The following FAT4 variants were observed in gnomAD, a reference collection of about 807,000 sequenced individuals.
FAT4 encodes protocadherin Fat 4.
Under a neutral mutation model 303.9 loss-of-function variants are expected in FAT4, and 84 were observed. The ratio of observed to expected loss-of-function variants is 0.28; its 90% CI spans 0.23 to 0.33. The LOEUF (loss-of-function observed/expected upper bound fraction) is 0.33, where lower values mean the gene tolerates loss of function less well. Among genes scored for constraint, FAT4 ranks in the 10% least tolerant of loss-of-function variants. FAT4 has a pLI of 1.00. For missense variants in FAT4, 6,005 were observed against 6,146.8 expected (o/e 0.98, Z 0.77); for synonymous variants, 2,307 against 2,298.8 (o/e 1.00, Z -0.10).
Position 125,446,356 on chromosome 4 carries a change from C to T in FAT4, c.7263C>T (p.Thr2421=), listed in dbSNP as rs1478792548. The change falls in exon 9 of 18, where the codon ACC becomes ACT. Residue 2421 remains threonine (T), a synonymous_variant. Coordinates refer to ENST00000394329, the MANE Select transcript of FAT4 (RefSeq NM_001291303.3). ...TINPSTGQII[T]SALLDRETKD... The stretch of plus-strand genomic sequence containing the variant: ...ACCCATCGACAGGACAAATCATCAC[C>T]AGCGCATTGTTAGATAGGGAAACAA... 5 of 1,612,928 alleles carry T rather than the reference C, an allele frequency of 3.1e-6. No homozygotes were observed. The Admixed American group carries it at 6.7e-5, about 22-fold the overall frequency.
intron 17 of FAT4, among the ~76,000 whole-genome samples, chr4:125,489,029 G>A (rs1004009709): frequency 6.6e-6 from 1 of 152,162 alleles, no homozygotes; most frequent in African/African-American, 2.4e-5. Flanking sequence ...TGTCACTATG[G>A]TAGAATGATG....
intron 2 of FAT4, among the ~76,000 whole-genome samples, chr4:125,327,040 A>T (rs1476043643): frequency 1.3e-5 from 2 of 152,144 alleles, no homozygotes; most frequent in Admixed American, 6.5e-5. Flanking sequence ...AAAATTCATA[A>T]GTATTTTTAT....
chr4:125,448,450 C>G lies in FAT4; in HGVS notation c.7451-11C>G, dbSNP rs1466996588. On this transcript the variant is annotated splice_polypyrimidine_tract_variant and intron_variant, in intron 9 of 17. Transcript: ENST00000394329. ...CCACGTGAGTATAACTGCACACTTT[C>G]TCTTTTATAGGTTCCTTTGTCTTTG... 8 of 1,578,208 alleles carry G rather than the reference C, an allele frequency of 5.1e-6. No individual in the cohort carries two copies. Among genetic ancestry groups the G allele is most frequent in the Non-Finnish European group, 6.9e-6 (8 of 1,164,344 alleles).
At chr4:125,361,496 G>A (rs552719811) in intron 2 of FAT4, among the ~76,000 whole-genome samples, 112 of 152,208 alleles carry the variant, frequency 7.4e-4, no homozygotes, top group African/African-American at 2.6e-3. Context: ...TGTGCAGGTG[G>A]TAAATACTGA....
intron 7 of FAT4, among the ~76,000 whole-genome samples, chr4:125,426,746 A>G (rs1250343926): frequency 6.6e-6 from 1 of 152,024 alleles, no homozygotes; most frequent in Non-Finnish European, 1.5e-5. Flanking sequence ...AACAGTTTCA[A>G]TCTATTATCC....
intron 10 of FAT4, among the ~76,000 whole-genome samples, chr4:125,453,326 C>T (rs895473809): frequency 1.3e-5 from 2 of 152,082 alleles, no homozygotes; most frequent in African/African-American, 4.8e-5. Context: ...GTTTTTGTGA[C>T]CTTTTAAAAT....
At chr4:125,470,739 A>G (rs1313676624) in intron 12 of FAT4, among the ~76,000 whole-genome samples, 1 of 152,184 alleles carries the variant, frequency 6.6e-6, no homozygotes, top group Non-Finnish European at 1.5e-5. Flanking sequence ...AACAGGTTTG[A>G]TCTTCTATCC....
At chr4:125,435,815 A>C (rs761932617) in intron 8 of FAT4, among the ~76,000 whole-genome samples, 4 of 152,166 alleles carry the variant, frequency 2.6e-5, no homozygotes, top group Admixed American at 2.0e-4. Context: ...GGGGAGTTTT[A>C]AACAGAAGAG....
At chr4:125,365,484 C>A (rs1732841919) in intron 2 of FAT4, among the ~76,000 whole-genome samples, 1 of 152,096 alleles carries the variant, frequency 6.6e-6, no homozygotes, top group Non-Finnish European at 1.5e-5. Flanking sequence ...CAGTTTTGCT[C>A]TCTATTGTCT....
rs1345394683 is a variant in FAT4, at chr4:125,449,981, T to C, written c.8971T>C (p.Phe2991Leu). 1.9e-6 allele frequency: 3 copies of C among 1,613,818 alleles called. No homozygotes were observed. Among genetic ancestry groups the C allele is most frequent in the Non-Finnish European group, 2.5e-6 (3 of 1,179,920 alleles). ...ACCTCAATTTCTTAAAAGTAAATAT[T>C]TCACTCCAGTCACCAAAAATGTTAA... ...NAPQFLKSKY[F>L]TPVTKNVKVG... Residue 2991 changes from phenylalanine to leucine, a missense_variant, in exon 10 of 18, where the codon TTC (phenylalanine) becomes CTC (leucine). By Grantham distance (22) the Phe-to-Leu change is conservative (BLOSUM62 0). Transcript: ENST00000394329.
intron 2 of FAT4, among the ~76,000 whole-genome samples, chr4:125,387,171 G>T (rs1354201268): frequency 6.6e-6 from 1 of 152,194 alleles, no homozygotes; most frequent in Non-Finnish European, 1.5e-5. Context: ...GTGCCCAGGG[G>T]TTGGAGACCC....
At chr4:125,472,592 A>G (rs1726901592) in intron 12 of FAT4, among the ~76,000 whole-genome samples, 1 of 152,168 alleles carries the variant, frequency 6.6e-6, no homozygotes, top group South Asian at 2.1e-4. Context: ...ATGAAAGAAC[A>G]AAATTTGTCA....
intron 6 of FAT4, 28 bp from the exon 7 acceptor site, chr4:125,416,420 T>C: frequency 6.4e-7 from 1 of 1,560,170 alleles, no homozygotes; most frequent in Non-Finnish European, 8.7e-7. Context: ...TTTGTTTTAC[T>C]CACATCTTGG....
chr4:125,340,547 C>T (rs1307370152), intron 2 of FAT4, among the ~76,000 whole-genome samples: 2 of 152,078 alleles, frequency 1.3e-5, no homozygotes, highest in African/African-American at 2.4e-5. Flanking sequence ...CCACCACGCC[C>T]GGCTAATTTT....
chr4:125,322,043 C>T (rs1730975969), intron 2 of FAT4, among the ~76,000 whole-genome samples: 1 of 152,042 alleles, frequency 6.6e-6, no homozygotes. Flanking sequence ...GGAGGATGGG[C>T]TGACAGTGTA....
chr4:125,378,620 A>G (rs963078341), intron 2 of FAT4, among the ~76,000 whole-genome samples: 4 of 152,136 alleles, frequency 2.6e-5, no homozygotes, highest in African/African-American at 9.6e-5. Flanking sequence ...TTAGTAAGAT[A>G]ATATTTGTTT....
At position 125,316,704 on chromosome 4, in the gene FAT4, G is replaced by T. The variant is rs1730616415; in HGVS notation, c.293G>T (p.Arg98Leu). 1.2e-6 allele frequency: 2 copies of T among 1,613,530 alleles called. No homozygotes were observed. Among genetic ancestry groups the T allele is most frequent in the South Asian group, 2.2e-5 (2 of 91,078 alleles). ...CTGTACACCACCTCCACCATCGACC[G>T]CGAGAGCCTGCCCAGCGACGTGATC... ...GALYTTSTID[R>L]ESLPSDVINL... The change falls in exon 2 of 18, where the codon CGC becomes CTC. Residue 98 changes from arginine (R) to leucine (L), a missense_variant. Arg to Leu is a moderately radical substitution (Grantham distance 102, BLOSUM62 -2). Transcript: ENST00000394329. This position sits in a 1 kb window ranked among gnomAD's most constrained non-coding sequence, Gnocchi z 5.7.
intron 8 of FAT4, among the ~76,000 whole-genome samples, chr4:125,441,573 C>A (rs1725661890): frequency 6.6e-6 from 1 of 152,160 alleles, no homozygotes; most frequent in Non-Finnish European, 1.5e-5. Context: ...ATTTCTTTCC[C>A]AGCATTATAG....
chr4:125,325,907 A>G (rs1350360159), intron 2 of FAT4, among the ~76,000 whole-genome samples: 2 of 152,170 alleles, frequency 1.3e-5, no homozygotes, highest in African/African-American at 4.8e-5. Flanking sequence ...AAATGCCAAC[A>G]CAGTGAACAA....
Sources: allele counts gnomAD v4.1 joint callset (sites outside exome capture counted in the v4.1 genomes callset), GRCh38; gene constraint gnomAD v4.1.1; non-coding constraint Gnocchi (gnomAD v3.1); transcripts MANE v1.5; gene names NCBI Gene and HGNC (gene_info 2026-07-23, HGNC 2026-07-21).